The following AGMO variants were observed in gnomAD, a reference collection of about 807,000 sequenced individuals.
AGMO encodes alkylglycerol monooxygenase.
In AGMO, 75 loss-of-function variants were observed where a neutral mutation model predicts 60.2. The observed-to-expected ratio is 1.25, with a 90% confidence interval of 1.03 to 1.51. The LOEUF (loss-of-function observed/expected upper bound fraction) is 1.51. Ranked by LOEUF, AGMO falls within the 40% of genes most tolerant of loss-of-function variation. The pLI, the probability that AGMO is intolerant of heterozygous loss-of-function variation, is 0.00. For synonymous variants in AGMO, 261 were observed against 177.1 expected (o/e 1.47, Z -3.76); for missense variants, 763 against 525.5 (o/e 1.45, Z -4.42).
chr7:15,263,787 AT>A (rs1783350955), intron 12 of AGMO, among the ~76,000 whole-genome samples: 1 of 152,190 alleles, frequency 6.6e-6, no homozygotes, highest in African/African-American at 2.4e-5. Context: ...ATTGGAGACT[AT>A]TATTCTCAGT....
intron 5 of AGMO, among the ~76,000 whole-genome samples, chr7:15,416,120 G>A (rs1317278254): frequency 1.4e-5 from 2 of 147,204 alleles, no homozygotes; most frequent in East Asian, 2.0e-4. Flanking sequence ...TGCAAGCTCC[G>A]CCTCCCAGGT....
chr7:15,525,728 A>T (rs1271792803), intron 3 of AGMO, among the ~76,000 whole-genome samples: 3 of 152,046 alleles, frequency 2.0e-5, no homozygotes, highest in Non-Finnish European at 4.4e-5. Flanking sequence ...ACTTGATGAG[A>T]AGCAGAGGCG....
intron 12 of AGMO, among the ~76,000 whole-genome samples, chr7:15,309,700 G>A (rs563353140): frequency 7.2e-5 from 11 of 152,004 alleles, no homozygotes; most frequent in Non-Finnish European, 1.5e-4. Context: ...TAGACTATTA[G>A]AGAGAAAATA....
intron 12 of AGMO, among the ~76,000 whole-genome samples, chr7:15,241,539 G>A (rs1418509666): frequency 6.7e-6 from 1 of 149,574 alleles, no homozygotes; most frequent in African/African-American, 2.5e-5. Context: ...TGATCACCAT[G>A]GGAAAGCAAG....
At chr7:15,290,163 G>C (rs1784220841) in intron 12 of AGMO, among the ~76,000 whole-genome samples, 1 of 151,578 alleles carries the variant, frequency 6.6e-6, no homozygotes, top group Non-Finnish European at 1.5e-5. Flanking sequence ...CTGAGTAGCT[G>C]GGATTAGAGG....
chr7:15,462,678 C>G (rs1782174307), intron 3 of AGMO, among the ~76,000 whole-genome samples: 2 of 152,114 alleles, frequency 1.3e-5, no homozygotes, highest in African/African-American at 2.4e-5. Flanking sequence ...ATTCACAAAA[C>G]TTTTTCACCA....
At chr7:15,311,303 G>A (rs996376365) in intron 12 of AGMO, among the ~76,000 whole-genome samples, 3 of 152,138 alleles carry the variant, frequency 2.0e-5, no homozygotes, top group African/African-American at 7.2e-5. Context: ...CTGTGCTCTA[G>A]TAGAGGTGAC....
intron 12 of AGMO, among the ~76,000 whole-genome samples, chr7:15,298,353 C>G (rs1784463555): frequency 2.0e-5 from 3 of 151,978 alleles, no homozygotes; most frequent in Non-Finnish European, 4.4e-5. Context: ...TCAACTGTAT[C>G]CTCTAATTAT....
At chr7:15,376,577 A>C (rs2128568993) in intron 10 of AGMO, among the ~76,000 whole-genome samples, 1 of 152,216 alleles carries the variant, frequency 6.6e-6, no homozygotes, top group South Asian at 2.1e-4. Context: ...TCTGTGTTCA[A>C]ATGTATCTGC....
chr7:15,365,708 A>C, intron 11 of AGMO, 89 bp from the exon 12 acceptor site: 1 of 843,382 alleles, frequency 1.2e-6, no homozygotes, highest in Non-Finnish European at 1.9e-6. Context: ...TCTCATTCTC[A>C]AGAAATACCT....
chr7:15,135,979 C>CT, the AGMO span, among the ~76,000 whole-genome samples: 3,961 of 106,866 alleles, frequency 0.037, 97 homozygotes, highest in South Asian at 0.044. Flanking sequence ...TTTTTCTTTT[C>CT]TTTTTTTTTT....
the AGMO span, among the ~76,000 whole-genome samples, chr7:15,174,968 C>A: frequency 1.3e-5 from 2 of 151,042 alleles, no homozygotes; most frequent in Non-Finnish European, 3.0e-5. Flanking sequence ...ATCATGAATC[C>A]TATCTAGAAT....
At chr7:15,210,363 A>T (rs1328635006) in intron 12 of AGMO, among the ~76,000 whole-genome samples, 1 of 152,136 alleles carries the variant, frequency 6.6e-6, no homozygotes, top group African/African-American at 2.4e-5. Context: ...AGTACATAAG[A>T]TCCTCTGCTA....
At chr7:15,481,027 T>C (rs1363192443) in intron 3 of AGMO, among the ~76,000 whole-genome samples, 13 of 144,400 alleles carry the variant, frequency 9.0e-5, no homozygotes, top group Admixed American at 8.7e-4. Flanking sequence ...TTTATATACA[T>C]ATACATTAAC....
At chr7:15,160,738 G>A in the AGMO span, among the ~76,000 whole-genome samples, 1 of 152,098 alleles carries the variant, frequency 6.6e-6, no homozygotes, top group African/African-American at 2.4e-5. Context: ...TGTCAAATAG[G>A]TTAGGCCATG....
intron 6 of AGMO, 75 bp downstream of exon 6, chr7:15,394,038 A>T: frequency 1.9e-6 from 2 of 1,072,374 alleles, no homozygotes; most frequent in Non-Finnish European, 2.8e-6. Context: ...AATTGTGATT[A>T]AATGAGATTA....
intron 12 of AGMO, among the ~76,000 whole-genome samples, chr7:15,253,949 A>AT (rs371184559): frequency 9.3e-4 from 139 of 149,224 alleles, no homozygotes; most frequent in African/African-American, 2.8e-3. Context: ...ATTGTGTAGT[A>AT]TTTTTTTTTT....
the AGMO span, among the ~76,000 whole-genome samples, chr7:15,146,102 C>G: frequency 2.6e-5 from 4 of 151,968 alleles, no homozygotes; most frequent in African/African-American, 9.7e-5. Context: ...GTGTAGCTAA[C>G]AAATAAAAAT....
chr7:15,188,075 G>A, the AGMO span, among the ~76,000 whole-genome samples: 1 of 152,128 alleles, frequency 6.6e-6, no homozygotes, highest in African/African-American at 2.4e-5. Context: ...CATGAACGAG[G>A]CTACTTCCCA....
Sources: allele counts gnomAD v4.1 joint callset (sites outside exome capture counted in the v4.1 genomes callset), GRCh38; gene constraint gnomAD v4.1.1; transcripts MANE v1.5; gene names NCBI Gene and HGNC (gene_info 2026-07-23, HGNC 2026-07-21).